The following FOXN3 variants were observed in gnomAD, a reference collection of about 807,000 sequenced individuals.
The protein encoded by FOXN3 is forkhead box N3.
FOXN3 carries 7 observed loss-of-function variants against 38.4 expected under a neutral mutation model. The ratio of observed to expected loss-of-function variants is 0.18; its 90% confidence interval spans 0.10 to 0.34. FOXN3 has a LOEUF of 0.34. Among genes scored for constraint, FOXN3 ranks in the 10% least tolerant of loss-of-function variants. The pLI, the probability that FOXN3 is intolerant of heterozygous loss-of-function variation, is 1.00. For missense variants in FOXN3, 456 were observed against 613.4 expected, an observed-to-expected ratio of 0.74 and a Z score of 2.71; for synonymous variants, 230 against 242.2, an observed-to-expected ratio of 0.95 and a Z score of 0.47.
chr14:89,575,794 G>T (rs1895599020), intron 1 of FOXN3, among the ~76,000 whole-genome samples: 1 of 152,072 alleles, frequency 6.6e-6, no homozygotes, highest in African/African-American at 2.4e-5. Context: ...GTCTACTTTG[G>T]GAAGCACTAG....
At chr14:89,348,667 C>T (rs4904553) in intron 3 of FOXN3, among the ~76,000 whole-genome samples, 113,179 of 150,812 alleles carry the variant, frequency 0.75, 42,602 homozygotes, top group East Asian at 0.84. Context: ...GTTTTTTTTC[C>T]CCCCTCAGTC....
intron 4 of FOXN3, among the ~76,000 whole-genome samples, chr14:89,264,888 C>A (rs1452997285): frequency 6.6e-6 from 1 of 152,174 alleles, no homozygotes; most frequent in Non-Finnish European, 1.5e-5. Context: ...ATCACTGCTG[C>A]AATAATTCTT....
intron 4 of FOXN3, among the ~76,000 whole-genome samples, chr14:89,235,409 A>G: frequency 6.6e-6 from 1 of 152,194 alleles, no homozygotes; most frequent in East Asian, 1.9e-4. Context: ...AATCAGCACC[A>G]GCGGCTCTTG....
At chr14:89,291,688 A>G in intron 3 of FOXN3, 1 of 395,524 alleles carries the variant, frequency 2.5e-6, no homozygotes, top group Non-Finnish European at 4.9e-6. Flanking sequence ...GTGTTGTTTT[A>G]AATATACTGA....
At chr14:89,557,870 G>A (rs1596317076) in intron 1 of FOXN3, among the ~76,000 whole-genome samples, 1 of 152,166 alleles carries the variant, frequency 6.6e-6, no homozygotes, top group South Asian at 2.1e-4. Flanking sequence ...GCTGGGCATG[G>A]TGGTGCGTGC....
At chr14:89,480,703 G>A (rs897649363) in intron 1 of FOXN3, among the ~76,000 whole-genome samples, 2 of 151,868 alleles carry the variant, frequency 1.3e-5, no homozygotes, top group African/African-American at 2.4e-5. Context: ...GTTTTATCTT[G>A]GCAACATTAT....
chr14:89,190,955 G>C (rs978534071), intron 4 of FOXN3, among the ~76,000 whole-genome samples: 2 of 152,056 alleles, frequency 1.3e-5, no homozygotes, highest in Non-Finnish European at 2.9e-5. Flanking sequence ...TTATGTGTTT[G>C]TAACAGTGGT....
At chr14:89,578,114 T>C (rs764727722) in intron 1 of FOXN3, among the ~76,000 whole-genome samples, 8 of 152,204 alleles carry the variant, frequency 5.3e-5, no homozygotes, top group Non-Finnish European at 7.3e-5. Flanking sequence ...CATGGCAATT[T>C]GAATTTATGC....
Position 89,180,713 on chromosome 14 carries a change from G to T in FOXN3, c.839C>A (p.Thr280Lys). ...ACTCCCCACTTACCTCATGGCCGCTGTCACCCCAATGGGAGTGATTGGCAG... is the reference window on the plus strand; with the variant it reads ...ACTCCCCACTTACCTCATGGCCGCTTTCACCCCAATGGGAGTGATTGGCAG... ...RPLPITPIGV[T>K]AAMRNGITSC... Residue 280 changes from threonine to lysine, a missense_variant, in exon 5 of 6, where the codon ACA (threonine) becomes AAA (lysine). Physicochemically the swap from Thr to Lys is moderately conservative, Grantham distance 78. Transcript: ENST00000557258. 6.2e-7 allele frequency: 1 copy of T among 1,608,704 alleles called. No individual in the cohort carries two copies. The highest frequency in any genetic ancestry group is 1.1e-5 in the South Asian group (1 of 89,954).
chr14:89,424,563 CA>C (rs1364675389), intron 1 of FOXN3, among the ~76,000 whole-genome samples: 2 of 152,048 alleles, frequency 1.3e-5, no homozygotes, highest in Non-Finnish European at 1.5e-5. Flanking sequence ...TTCAAGAGTT[CA>C]AAATACTCTT....
intron 3 of FOXN3, among the ~76,000 whole-genome samples, chr14:89,283,334 A>C (rs971510712): frequency 6.6e-6 from 1 of 152,024 alleles, no homozygotes; most frequent in African/African-American, 2.4e-5. Context: ...AACTCCTCTG[A>C]CTCTATCTAA....
chr14:89,307,712 T>C (rs1168786819), intron 3 of FOXN3, among the ~76,000 whole-genome samples: 1 of 151,802 alleles, frequency 6.6e-6, no homozygotes, highest in East Asian at 1.9e-4. Context: ...TTACAACCCA[T>C]AGTTTTTGCA....
intron 3 of FOXN3, among the ~76,000 whole-genome samples, chr14:89,327,910 T>C (rs1888125551): frequency 6.6e-6 from 1 of 152,202 alleles, no homozygotes; most frequent in Admixed American, 6.5e-5. Flanking sequence ...TCCATTAAGA[T>C]GAAGTGACTC....
intron 3 of FOXN3, among the ~76,000 whole-genome samples, chr14:89,281,669 C>T (rs752498749): frequency 2.0e-5 from 3 of 152,148 alleles, no homozygotes; most frequent in Non-Finnish European, 2.9e-5. Flanking sequence ...AAGACACTTA[C>T]CGCATTCATA....
chr14:89,592,681 A>G (rs186942264), intron 1 of FOXN3, among the ~76,000 whole-genome samples: 3 of 152,344 alleles, frequency 2.0e-5, no homozygotes, highest in Admixed American at 2.0e-4. Context: ...ATACTTTCAG[A>G]GATGAAGTTC....
intron 3 of FOXN3, among the ~76,000 whole-genome samples, chr14:89,331,372 G>C (rs971563204): frequency 6.6e-6 from 1 of 152,194 alleles, no homozygotes; most frequent in African/African-American, 2.4e-5. Context: ...GTTGTGGCCT[G>C]TGTCAGAATT....
chr14:89,560,772 C>T lies in FOXN3; in HGVS notation c.-15+58256G>A, dbSNP rs78317710. On this transcript the variant is annotated intron_variant, in intron 1 of 6. Transcript: ENST00000345097. ...GTTACTAGCATAAGCACTTTATACACATCCACGTGGCTTGCAGAGGAGGTC... is the reference window on the plus strand; with the variant it reads ...GTTACTAGCATAAGCACTTTATACATATCCACGTGGCTTGCAGAGGAGGTC... Among the ~76,000 whole-genome samples, 68 of 152,334 alleles carry T rather than the reference C, an allele frequency of 4.5e-4. 1 individual carries two copies. In the East Asian group the frequency reaches 0.013, roughly 28 times the overall value.
chr14:89,610,803 C>T lies in FOXN3; in HGVS notation c.-15+8225G>A, dbSNP rs1447326227. On this transcript the variant is annotated intron_variant, in intron 1 of 6. Coordinates refer to the FOXN3 transcript ENST00000345097. The stretch of plus-strand genomic sequence containing the variant: ...TATGCAGTAGGTGCCCGCAACTGCT[C>T]ACTGAATGAACGTGAGGATGATTTG... 2.0e-5 allele frequency among the ~76,000 whole-genome samples: 3 copies of T among 152,198 alleles called. No individual in the cohort carries two copies. The East Asian group carries it at 5.8e-4, about 29-fold the overall frequency.
intron 2 of FOXN3, among the ~76,000 whole-genome samples, chr14:89,357,882 A>G (rs891345111): frequency 2.5e-4 from 38 of 152,282 alleles, no homozygotes; most frequent in African/African-American, 8.7e-4. Context: ...GGAGGAATGG[A>G]CTGCATAAGC....
Sources: allele counts gnomAD v4.1 joint callset (sites outside exome capture counted in the v4.1 genomes callset), GRCh38; gene constraint gnomAD v4.1.1; transcripts MANE v1.5; gene names NCBI Gene and HGNC (gene_info 2026-07-23, HGNC 2026-07-21).